Variants in PDK1 observed in about 807,000 individuals in gnomAD.
PDK1 encodes [Pyruvate dehydrogenase (acetyl-transferring)] kinase isozyme 1, mitochondrial.
In PDK1, 39 loss-of-function variants were observed where a neutral mutation model predicts 54.2. That is an observed-to-expected ratio of 0.72 (90% CI 0.56 to 0.94). PDK1 has a LOEUF of 0.94. Among genes scored for constraint, PDK1 ranks in the 40% least tolerant of loss-of-function variants. The pLI is 0.00. For synonymous variants in PDK1, 221 were observed against 207.1 expected (o/e 1.07, Z -0.58); for missense variants, 552 against 566.0 (o/e 0.98, Z 0.25).
the PDK1 span, among the ~76,000 whole-genome samples, chr2:172,698,963 G>C: frequency 2.0e-5 from 3 of 152,246 alleles, no homozygotes; most frequent in East Asian, 5.8e-4. Context: ...AGGGGGGTGA[G>C]ATTTAAGGAG....
chr2:172,557,610 CGTGTGTGTGTGTGTGTGTGTGT>C (rs55753852), intron 1 of PDK1, among the ~76,000 whole-genome samples: 7 of 142,020 alleles, frequency 4.9e-5, no homozygotes, highest in Admixed American at 2.1e-4. Flanking sequence ...TCTTTTTTCC[CGTGTGTGTGTGTGTGTGTGTGT>C]GTGTGTGTGT....
At chr2:172,662,038 G>T in the PDK1 span, among the ~76,000 whole-genome samples, 33 of 152,296 alleles carry the variant, frequency 2.2e-4, no homozygotes, top group Non-Finnish European at 4.6e-4. Flanking sequence ...GTTACAATGT[G>T]AATAGTACAA....
At chr2:172,562,638 T>G in intron 3 of PDK1, 1 of 718,042 alleles carries the variant, frequency 1.4e-6, no homozygotes, top group Non-Finnish European at 2.4e-6. Context: ...TATCATCTGA[T>G]TGTTTTCTGA....
chr2:172,634,262 A>ATAATATTATTATTATTATTAT, the PDK1 span, among the ~76,000 whole-genome samples: 2 of 139,464 alleles, frequency 1.4e-5, no homozygotes, highest in African/African-American at 5.3e-5. Context: ...AAATCTATTT[A>ATAATATTATTATTATTATTAT]TATTATTATT....
the PDK1 span, among the ~76,000 whole-genome samples, chr2:172,686,841 A>ATATATCTACCTATCTGC: frequency 6.6e-6 from 1 of 152,220 alleles, no homozygotes; most frequent in African/African-American, 2.4e-5. Flanking sequence ...CTATCTATCT[A>ATATATCTACCTATCTGC]TATATCTACC....
At chr2:172,706,056 G>T in the PDK1 span, among the ~76,000 whole-genome samples, 1 of 152,146 alleles carries the variant, frequency 6.6e-6, no homozygotes, top group Non-Finnish European at 1.5e-5. Flanking sequence ...TCACAATCAG[G>T]ATATTAAGGT....
chr2:172,707,535 G>A, the PDK1 span, among the ~76,000 whole-genome samples: 4 of 152,110 alleles, frequency 2.6e-5, no homozygotes, highest in African/African-American at 9.7e-5. Context: ...TGCCAGCTTC[G>A]ACAGCTCCAG....
At chr2:172,617,719 C>T in the PDK1 span, among the ~76,000 whole-genome samples, 1 of 152,206 alleles carries the variant, frequency 6.6e-6, no homozygotes, top group Non-Finnish European at 1.5e-5. Context: ...AAGCTTCCAA[C>T]ACATGAGTTA....
chr2:172,644,217 C>G, the PDK1 span, among the ~76,000 whole-genome samples: 1 of 152,098 alleles, frequency 6.6e-6, no homozygotes, highest in African/African-American at 2.4e-5. Context: ...AAAAATGTAC[C>G]AGAAAAAAAC....
At chr2:172,620,913 G>T in the PDK1 span, among the ~76,000 whole-genome samples, 1 of 152,162 alleles carries the variant, frequency 6.6e-6, no homozygotes, top group African/African-American at 2.4e-5. Context: ...ACCGAGTCTA[G>T]TTACTTCTTT....
chr2:172,607,122 C>A lies in PDK1; in HGVS notation c.*11153C>A, dbSNP rs1432024771. 6.6e-6 allele frequency: 1 copy of A among 152,074 alleles called. No homozygotes were observed. Among genetic ancestry groups the A allele is most frequent in the Admixed American group, 6.6e-5 (1 of 15,264 alleles). The allele number at this position is 152,074 out of a possible 1,614,324, so 9.4% of individuals were successfully genotyped here. A position where few individuals can be genotyped will look rare whatever the true frequency, so the allele number is the denominator to read the frequency against. ...ACATCAACATGCTTACATTTTGAGT[C>A]CAAAATTAAAATCCAAAATAGCCAA... On this transcript the variant is annotated 3_prime_UTR_variant, in exon 11 of 11. Coordinates refer to ENST00000282077, the MANE Select transcript of PDK1 (RefSeq NM_002610.5).
At chr2:172,633,505 G>C in the PDK1 span, among the ~76,000 whole-genome samples, 4 of 147,112 alleles carry the variant, frequency 2.7e-5, no homozygotes, top group South Asian at 8.5e-4. Context: ...TGCTGATTCT[G>C]ATAATTTATA....
At chr2:172,706,818 C>T in the PDK1 span, among the ~76,000 whole-genome samples, 4 of 152,200 alleles carry the variant, frequency 2.6e-5, no homozygotes, top group Admixed American at 1.3e-4. Context: ...TTTGGTACCT[C>T]TTTGACAGGG....
the PDK1 span, among the ~76,000 whole-genome samples, chr2:172,693,485 G>T: frequency 1.3e-5 from 2 of 152,212 alleles, no homozygotes; most frequent in Admixed American, 6.5e-5. Context: ...TAGGGTTGTT[G>T]TGAAAATTAA....
downstream of PDK1, among the ~76,000 whole-genome samples, chr2:172,610,457 C>T (rs921360349): frequency 1.3e-5 from 2 of 152,008 alleles, no homozygotes; most frequent in African/African-American, 2.4e-5. Context: ...TTTGAAACAC[C>T]GCATCTTTTC....
Position 172,596,718 on chromosome 2 carries a change from T to A in PDK1, c.*749T>A, listed in dbSNP as rs530914737. ...GAAATTGAGGGCAAAGTAATATGTC[T>A]CCAAAACTGAACTGATTGCTTGTTG... is the stretch of plus-strand genomic sequence containing the variant. On this transcript the variant is annotated 3_prime_UTR_variant, in exon 11 of 11. Transcript: ENST00000282077. 3 of 152,264 alleles carry A rather than the reference T, an allele frequency of 2.0e-5. No homozygotes were observed. In the East Asian group the frequency reaches 5.8e-4, roughly 29 times the overall value. 9.4% of individuals were successfully genotyped at this position (152,264 alleles called of 1,614,324 possible).
intron 2 of PDK1, among the ~76,000 whole-genome samples, chr2:172,560,488 G>A (rs1360889225): frequency 6.6e-6 from 1 of 152,184 alleles, no homozygotes. Flanking sequence ...GTACAGATGA[G>A]GATGCTGAGG....
chr2:172,569,759 G>C (rs1689146365), intron 7 of PDK1, among the ~76,000 whole-genome samples: 1 of 151,970 alleles, frequency 6.6e-6, no homozygotes, highest in African/African-American at 2.4e-5. Context: ...TGTTACCCAG[G>C]CTGTCCTTGA....
chr2:172,621,551 T>C, the PDK1 span, among the ~76,000 whole-genome samples: 1 of 146,812 alleles, frequency 6.8e-6, no homozygotes, highest in Admixed American at 6.9e-5. Flanking sequence ...ATATTATATA[T>C]ATATGTTTAT....
Sources: allele counts gnomAD v4.1 joint callset (sites outside exome capture counted in the v4.1 genomes callset), GRCh38; gene constraint gnomAD v4.1.1; transcripts MANE v1.5; gene names NCBI Gene and HGNC (gene_info 2026-07-23, HGNC 2026-07-21).